Variants in CCDC178 observed in about 807,000 individuals in gnomAD.
CCDC178 encodes coiled-coil domain-containing protein 178.
Under a neutral mutation model 117.4 loss-of-function variants are expected in CCDC178, and 126 were observed. The ratio of observed to expected loss-of-function variants is 1.07; its 90% confidence interval spans 0.93 to 1.24. The LOEUF is 1.24. Ranked by LOEUF, CCDC178 falls within the 50% of genes most tolerant of loss-of-function variation. The pLI is 0.00. For missense variants in CCDC178, 1,030 were observed against 986.9 expected, an observed-to-expected ratio of 1.04 and a Z score of -0.59; for synonymous variants, 283 against 313.4, an observed-to-expected ratio of 0.90 and a Z score of 1.02.
intron 9 of CCDC178, among the ~76,000 whole-genome samples, chr18:33,344,021 A>G (rs1331424912): frequency 6.6e-6 from 1 of 152,148 alleles, no homozygotes; most frequent in Non-Finnish European, 1.5e-5. Flanking sequence ...TTTAAAAAAT[A>G]CGGCCGGGCG....
intron 20 of CCDC178, among the ~76,000 whole-genome samples, chr18:33,170,521 TTA>T (rs1410689789): frequency 1.3e-5 from 2 of 152,144 alleles, no homozygotes; most frequent in Non-Finnish European, 2.9e-5. Context: ...TACTTGGGTG[TTA>T]TATATACAGC....
intron 20 of CCDC178, among the ~76,000 whole-genome samples, chr18:33,102,406 G>A (rs1173428441): frequency 6.7e-6 from 1 of 148,804 alleles, no homozygotes; most frequent in Non-Finnish European, 1.5e-5. Flanking sequence ...GATACTCATG[G>A]AGGAGAGTGC....
intron 20 of CCDC178, among the ~76,000 whole-genome samples, chr18:33,184,642 T>A (rs271445): frequency 0.16 from 24,479 of 151,910 alleles, 2,750 homozygotes; most frequent in African/African-American, 0.32. Context: ...ATTAGTCTAT[T>A]TTTGGGGGAA....
intron 20 of CCDC178, among the ~76,000 whole-genome samples, chr18:33,146,599 C>A (rs946523469): frequency 5.9e-5 from 9 of 152,100 alleles, no homozygotes; most frequent in African/African-American, 2.2e-4. Context: ...TGCAGTGAGC[C>A]ATATTCATGC....
chr18:33,103,195 T>C (rs542469091), intron 20 of CCDC178, among the ~76,000 whole-genome samples: 7 of 151,790 alleles, frequency 4.6e-5, no homozygotes, highest in Non-Finnish European at 8.8e-5. Context: ...AGTTTTTGCA[T>C]AGTGACAGCA....
chr18:33,099,204 C>T (rs1598882150), intron 20 of CCDC178, among the ~76,000 whole-genome samples: 1 of 151,948 alleles, frequency 6.6e-6, no homozygotes, highest in East Asian at 1.9e-4. Context: ...TAAAATGTAT[C>T]CACATATTTA....
chr18:33,347,354 A>C (rs1220564363), intron 8 of CCDC178, among the ~76,000 whole-genome samples: 2 of 152,178 alleles, frequency 1.3e-5, no homozygotes, highest in Admixed American at 6.5e-5. Context: ...GGAGTATTAA[A>C]TAACGGTGAT....
intron 20 of CCDC178, among the ~76,000 whole-genome samples, chr18:33,179,559 C>G (rs2645886): frequency 0.05 from 7,643 of 151,960 alleles, 246 homozygotes; most frequent in Middle Eastern, 0.099. Flanking sequence ...AAACTAATGT[C>G]TCTCTCTGTC....
At chr18:33,431,676 G>A (rs1018043420) in intron 2 of CCDC178, among the ~76,000 whole-genome samples, 1 of 152,080 alleles carries the variant, frequency 6.6e-6, no homozygotes, top group South Asian at 2.1e-4. Flanking sequence ...TAGGTTCCCA[G>A]GTAATCAAAC....
intron 15 of CCDC178, 98 bp downstream of exon 15, chr18:33,245,147 C>A (rs752955620): frequency 8.7e-7 from 1 of 1,154,950 alleles, no homozygotes; most frequent in Non-Finnish European, 1.1e-6. Context: ...GACTGTTAAT[C>A]CTTAAATTAA....
At chr18:33,297,935 G>T (rs547466583) in intron 11 of CCDC178, among the ~76,000 whole-genome samples, 1 of 151,914 alleles carries the variant, frequency 6.6e-6, no homozygotes, top group Non-Finnish European at 1.5e-5. Context: ...CCAGCTACTC[G>T]GGAGGCTGAG....
chr18:33,118,828 G>T (rs1278290319), intron 20 of CCDC178, among the ~76,000 whole-genome samples: 1 of 152,122 alleles, frequency 6.6e-6, no homozygotes, highest in African/African-American at 2.4e-5. Context: ...GCATGGTACT[G>T]GTACCAAAAC....
In CCDC178 at chr18:33,223,130, G is replaced by T. The variant is rs369521401; in HGVS notation, c.1908C>A (p.Thr636=). The part of the protein sequence containing the change: ...KKKLRKKGKK[T]LDALIETESK... Reference sequence around the variant, plus strand: ...CCTCAGTTTCTATTAATGCATCAAGGGTTTTCTTCCCCTTTTTTCGTAATT... The same window carrying T: ...CCTCAGTTTCTATTAATGCATCAAGTGTTTTCTTCCCCTTTTTTCGTAATT... Residue 636 remains threonine, a synonymous_variant, in exon 18 of 23, where the codon ACC becomes ACA. Transcript: ENST00000383096. 3.1e-6 allele frequency: 5 copies of T among 1,601,890 alleles called. No individual in the cohort carries two copies. In the African/African-American group the frequency reaches 5.4e-5, roughly 17 times the overall value.
At chr18:33,200,303 C>G (rs1029627384) in intron 20 of CCDC178, among the ~76,000 whole-genome samples, 2 of 152,212 alleles carry the variant, frequency 1.3e-5, no homozygotes, top group Middle Eastern at 3.2e-3. Context: ...CCATTCCCAA[C>G]AACTCTAAGT....
chr18:33,140,597 C>T (rs1362267479), intron 20 of CCDC178, among the ~76,000 whole-genome samples: 2 of 152,074 alleles, frequency 1.3e-5, no homozygotes, highest in Non-Finnish European at 2.9e-5. Context: ...AAAATTTGTC[C>T]CACTAGGAAA....
chr18:33,212,616 G>T (rs1458968475), intron 19 of CCDC178, among the ~76,000 whole-genome samples: 2 of 151,830 alleles, frequency 1.3e-5, no homozygotes, highest in African/African-American at 2.4e-5. Context: ...GTTTAAGCTG[G>T]TGTTATGTAA....
chr18:33,417,090 T>C (rs982482828), intron 2 of CCDC178, among the ~76,000 whole-genome samples: 6 of 152,114 alleles, frequency 3.9e-5, no homozygotes, highest in African/African-American at 1.4e-4. Context: ...GACGCAGCAA[T>C]TGCACTCTTA....
At chr18:33,013,632 AATG>A (rs1202421623) in intron 21 of CCDC178, among the ~76,000 whole-genome samples, 1 of 152,230 alleles carries the variant, frequency 6.6e-6, no homozygotes, top group African/African-American at 2.4e-5. Context: ...GTAACTAAAA[AATG>A]ATGTCATTTG....
intron 12 of CCDC178, among the ~76,000 whole-genome samples, chr18:33,282,677 C>T (rs2060039802): frequency 6.6e-6 from 1 of 152,182 alleles, no homozygotes; most frequent in African/African-American, 2.4e-5. Flanking sequence ...TGGCAACTCA[C>T]CACATCACTA....
Sources: gnomAD v4.1 joint callset for allele counts (sites outside exome capture counted in the v4.1 genomes callset) on GRCh38, gnomAD v4.1.1 for gene constraint, MANE v1.5 for transcripts, NCBI Gene and HGNC (gene_info 2026-07-23, HGNC 2026-07-21) for gene names.